CHCHD3: variants seen among roughly 807,000 people sequenced by gnomAD.
CHCHD3 encodes the protein coiled-coil-helix-coiled-coil-helix domain containing 3.
Under a neutral mutation model 38.2 loss-of-function variants are expected in CHCHD3, and 20 were observed. That is an observed-to-expected ratio of 0.52 (90% CI 0.37 to 0.76). The LOEUF is 0.76. Ranked by LOEUF, CHCHD3 falls within the 30% of genes least tolerant of loss-of-function variation. The pLI, the probability that CHCHD3 is intolerant of heterozygous loss-of-function variation, is 0.00. For synonymous variants in CHCHD3, 82 were observed against 100.0 expected, an observed-to-expected ratio of 0.82 and a Z score of 1.07; for missense variants, 245 against 279.2, an observed-to-expected ratio of 0.88 and a Z score of 0.87.
intron 4 of CHCHD3, among the ~76,000 whole-genome samples, chr7:132,942,409 T>G (rs1024035732): frequency 3.9e-5 from 6 of 152,192 alleles, no homozygotes; most frequent in Admixed American, 2.6e-4. Flanking sequence ...ACACTGAGCA[T>G]GTATCCTACC....
At chr7:133,078,474 C>T (rs1459898141) in intron 1 of CHCHD3, among the ~76,000 whole-genome samples, 1 of 152,066 alleles carries the variant, frequency 6.6e-6, no homozygotes, top group Non-Finnish European at 1.5e-5. Flanking sequence ...GAGTTGAGAC[C>T]AGCTTGGGCA....
At chr7:132,815,445 C>T (rs1444801337) in intron 6 of CHCHD3, 4 of 386,708 alleles carry the variant, frequency 1.0e-5, no homozygotes, top group South Asian at 1.9e-5. Flanking sequence ...ACATAAAGGA[C>T]ATTTTACCAG....
chr7:133,076,641 C>G (rs1353846826), intron 1 of CHCHD3, among the ~76,000 whole-genome samples: 1 of 152,210 alleles, frequency 6.6e-6, no homozygotes. Flanking sequence ...TCTCTTCCTA[C>G]CCACCTTGTT....
intron 3 of CHCHD3, among the ~76,000 whole-genome samples, chr7:132,977,736 T>G (rs1440659443): frequency 1.3e-5 from 2 of 152,206 alleles, no homozygotes; most frequent in African/African-American, 4.8e-5. Flanking sequence ...TCTACCACAT[T>G]TGGTGTATCT....
rs565489370 is a variant in CHCHD3, at chr7:132,834,951, T to C, written c.524+3448A>G. 2.9e-3 allele frequency among the ~76,000 whole-genome samples: 244 copies of C among 82,716 alleles called. 2 individuals carry two copies. The highest frequency in any genetic ancestry group is 8.4e-3 in the African/African-American group (230 of 27,284). The allele number at this position is 82,716 out of a possible 152,430, so 54.3% of individuals were successfully genotyped here. A position where few individuals can be genotyped will look rare whatever the true frequency, so the allele number is the denominator to read the frequency against. On this transcript the variant is annotated intron_variant, in intron 6 of 7. Coordinates refer to ENST00000262570, the MANE Select transcript of CHCHD3 (RefSeq NM_017812.4). ...GCAATTTCTTTTTTTTCCTCTCATT[T>C]ATTTATTTATTTATTTATTTATTTA...
intron 6 of CHCHD3, among the ~76,000 whole-genome samples, chr7:132,823,868 G>T (rs1399386737): frequency 6.6e-6 from 1 of 152,160 alleles, no homozygotes; most frequent in Non-Finnish European, 1.5e-5. Context: ...TAGGAGTAAT[G>T]AAAACTAATC....
At chr7:132,940,314 T>G (rs1810733297) in intron 4 of CHCHD3, among the ~76,000 whole-genome samples, 1 of 152,176 alleles carries the variant, frequency 6.6e-6, no homozygotes, top group Non-Finnish European at 1.5e-5. Context: ...AGTCAGACAG[T>G]TCAAGATTTT....
At chr7:133,049,852 G>A (rs79749312) in intron 2 of CHCHD3, among the ~76,000 whole-genome samples, 1,900 of 152,290 alleles carry the variant, frequency 0.012, 34 homozygotes, top group African/African-American at 0.043. Flanking sequence ...CACTTCCACT[G>A]TGAACCTCTG....
At chr7:132,834,806 A>G (rs966864149) in intron 6 of CHCHD3, among the ~76,000 whole-genome samples, 3 of 152,150 alleles carry the variant, frequency 2.0e-5, no homozygotes, top group Non-Finnish European at 2.9e-5. Context: ...TCACCTGAGC[A>G]GCACTGTTCA....
intron 4 of CHCHD3, among the ~76,000 whole-genome samples, chr7:132,969,155 T>C (rs1314977185): frequency 2.2e-5 from 3 of 137,704 alleles, no homozygotes; most frequent in African/African-American, 8.2e-5. Context: ...TTTTTTTTAC[T>C]GTGTTTTTTT....
chr7:132,920,532 C>T (rs1810234488), intron 4 of CHCHD3, among the ~76,000 whole-genome samples: 2 of 152,174 alleles, frequency 1.3e-5, no homozygotes, highest in Admixed American at 6.5e-5. Context: ...AATGACCGAA[C>T]ACACACAAGA....
intron 5 of CHCHD3, among the ~76,000 whole-genome samples, chr7:132,841,508 G>A (rs751302035): frequency 4.6e-5 from 7 of 151,236 alleles, no homozygotes; most frequent in South Asian, 2.1e-4. Flanking sequence ...CTGGGTATTC[G>A]TACAGTGAAA....
intron 4 of CHCHD3, among the ~76,000 whole-genome samples, chr7:132,965,548 T>G (rs1811442212): frequency 6.6e-6 from 1 of 152,092 alleles, no homozygotes; most frequent in Non-Finnish European, 1.5e-5. Flanking sequence ...CTAACTAGAA[T>G]CACTTTGTGA....
chr7:132,934,733 C>T lies in CHCHD3; in HGVS notation c.369+40436G>A, dbSNP rs552421724. ...ATTTCAAAAGAGCGCTAGGTGATGC[C>T]GCTCCTACACTGCTAGTTCATTCTA... On this transcript the variant is annotated intron_variant, in intron 4 of 7. Coordinates refer to ENST00000262570, the MANE Select transcript of CHCHD3 (RefSeq NM_017812.4). Among the ~76,000 whole-genome samples the T allele has an allele frequency of 1.4e-4, 22 of 152,156 alleles. No individual in the cohort carries two copies. The South Asian group carries it at 1.7e-3, about 11-fold the overall frequency.
chr7:132,921,706 CA>C (rs1241822785), intron 4 of CHCHD3, among the ~76,000 whole-genome samples: 2 of 152,110 alleles, frequency 1.3e-5, no homozygotes, highest in Non-Finnish European at 2.9e-5. Flanking sequence ...AATTCTAAGG[CA>C]AGTGTTTGGA....
intron 4 of CHCHD3, among the ~76,000 whole-genome samples, chr7:132,963,873 G>C (rs1811393232): frequency 6.6e-6 from 1 of 152,136 alleles, no homozygotes; most frequent in African/African-American, 2.4e-5. Context: ...ACCTGCTGTT[G>C]AGATAATTAT....
chr7:133,042,497 C>T (rs535252386), intron 2 of CHCHD3, among the ~76,000 whole-genome samples: 1 of 152,272 alleles, frequency 6.6e-6, no homozygotes, highest in East Asian at 1.9e-4. Flanking sequence ...GGCATCCCTG[C>T]TAGGTTACAC....
intron 4 of CHCHD3, among the ~76,000 whole-genome samples, chr7:132,915,701 C>T (rs1263711653): frequency 6.6e-6 from 1 of 152,128 alleles, no homozygotes; most frequent in Non-Finnish European, 1.5e-5. Context: ...TTTACTTGTG[C>T]TCTGATTTCT....
intron 5 of CHCHD3, among the ~76,000 whole-genome samples, chr7:132,856,354 A>G (rs1291837931): frequency 1.3e-5 from 2 of 152,236 alleles, no homozygotes; most frequent in Non-Finnish European, 2.9e-5. Flanking sequence ...ACTCTACACA[A>G]AAGAGGTTCT....
Sources: allele counts gnomAD v4.1 joint callset (sites outside exome capture counted in the v4.1 genomes callset), GRCh38; gene constraint gnomAD v4.1.1; transcripts MANE v1.5; gene names NCBI Gene and HGNC (gene_info 2026-07-23, HGNC 2026-07-21).